ETS1: variants seen among roughly 807,000 people sequenced by gnomAD.
ETS1 encodes the protein ETS proto-oncogene 1, transcription factor.
Under a neutral mutation model 58.6 loss-of-function variants are expected in ETS1, and 15 were observed. That is an observed-to-expected ratio of 0.26 (90% CI 0.17 to 0.39). The LOEUF (loss-of-function observed/expected upper bound fraction) is 0.39. Ranked by LOEUF, ETS1 falls within the 10% of genes least tolerant of loss-of-function variation. The probability of loss-of-function intolerance (pLI) is 1.00; values close to 1 mark genes in which losing one functional copy is unlikely to be tolerated. For synonymous variants in ETS1, 214 were observed against 218.2 expected (o/e 0.98, Z 0.17); for missense variants, 417 against 610.5 (o/e 0.68, Z 3.34).
Position 128,585,091 on chromosome 11 carries a change from G to A in ETS1, c.-15+2397C>T, listed in dbSNP as rs866250524. On this transcript the variant is annotated intron_variant, in intron 1 of 9. Coordinates refer to ENST00000392668, the MANE Select transcript of ETS1 (RefSeq NM_001143820.2). Reference sequence around the variant, plus strand: ...AAGAAAGAAAGAGAAAGAAAGAAAGGAAAGAAAGAAAGGAAGGAAGGAAGG... The same window carrying A: ...AAGAAAGAAAGAGAAAGAAAGAAAGAAAAGAAAGAAAGGAAGGAAGGAAGG... Among the ~76,000 whole-genome samples, 22 of 18,680 alleles carry A rather than the reference G, an allele frequency of 1.2e-3. 4 individuals are homozygous for A. The highest frequency in any genetic ancestry group is 3.0e-3 in the Admixed American group (6 of 2,010). The allele number at this position is 18,680 out of a possible 152,430, so 12.3% of individuals were successfully genotyped here.
At chr11:128,469,333 T>C (rs141637705) in intron 8 of ETS1, among the ~76,000 whole-genome samples, 3 of 152,308 alleles carry the variant, frequency 2.0e-5, no homozygotes, top group Non-Finnish European at 4.4e-5. Flanking sequence ...CAGGTGGCCC[T>C]AAAACAGAGG....
intron 2 of ETS1, among the ~76,000 whole-genome samples, chr11:128,560,198 C>T (rs1206081363): frequency 1.3e-5 from 2 of 152,128 alleles, no homozygotes; most frequent in Non-Finnish European, 2.9e-5. Context: ...CTGCAACCTC[C>T]GCCTCCTGGC....
chr11:128,523,590 C>T (rs1863743598), intron 3 of ETS1, among the ~76,000 whole-genome samples: 1 of 152,242 alleles, frequency 6.6e-6, no homozygotes. Flanking sequence ...GGCTTACCTT[C>T]ATCTAATCCC....
At chr11:128,545,384 G>T (rs1469219377) in intron 3 of ETS1, among the ~76,000 whole-genome samples, 1 of 152,158 alleles carries the variant, frequency 6.6e-6, no homozygotes, top group Non-Finnish European at 1.5e-5. Flanking sequence ...TGTGTATGGT[G>T]GTTAAGAACA....
At chr11:128,566,235 G>A (rs997678036) in intron 2 of ETS1, among the ~76,000 whole-genome samples, 2 of 152,136 alleles carry the variant, frequency 1.3e-5, no homozygotes, top group Admixed American at 6.5e-5. Context: ...GCATGGACAA[G>A]CGGAAATCCT....
chr11:128,538,743 CACAT>C (rs1186997226), intron 3 of ETS1, among the ~76,000 whole-genome samples: 7 of 135,190 alleles, frequency 5.2e-5, no homozygotes, highest in African/African-American at 1.9e-4. Flanking sequence ...CACACACACA[CACAT>C]ACACACATAC....
intron 7 of ETS1, among the ~76,000 whole-genome samples, chr11:128,481,201 T>C (rs1249650223): frequency 6.6e-6 from 1 of 152,218 alleles, no homozygotes; most frequent in Non-Finnish European, 1.5e-5. Context: ...TTAAACTTCA[T>C]TGGAAAAGTG....
intron 2 of ETS1, among the ~76,000 whole-genome samples, chr11:128,568,521 C>A (rs1445467224): frequency 6.6e-6 from 1 of 152,212 alleles, no homozygotes; most frequent in Non-Finnish European, 1.5e-5. Context: ...TCATCCCTCC[C>A]ACACAATGAC....
intron 8 of ETS1, among the ~76,000 whole-genome samples, chr11:128,465,310 T>C (rs1040885538): frequency 1.3e-5 from 2 of 152,184 alleles, no homozygotes; most frequent in African/African-American, 4.8e-5. Context: ...GCCTATAAAA[T>C]AAAGTAACAT....
chr11:128,495,666 T>C (rs901248887), intron 3 of ETS1, among the ~76,000 whole-genome samples: 4 of 152,110 alleles, frequency 2.6e-5, no homozygotes, highest in Admixed American at 6.6e-5. Flanking sequence ...CTGGTCCACA[T>C]GGAGAGGATA....
chr11:128,480,440 C>A lies in ETS1; in HGVS notation c.874G>T (p.Gly292Cys). Residue 292 changes from glycine (G) to cysteine (C), a missense_variant, in exon 8 of 10, where the codon GGC becomes TGC. Transcript: ENST00000392668. Reference sequence around the variant, plus strand: ...TCTATGCTTTCAAAAGAGTCCTGGCCCCCGAGTTTACCTGGAGGTAAAGGA... The same window carrying A: ...TCTATGCTTTCAAAAGAGTCCTGGCACCCGAGTTTACCTGGAGGTAAAGGA... ...MGRTSRGKLG[G>C]QDSFESIESY... is the part of the protein sequence containing the mutation. The A allele has an allele frequency of 6.2e-7, 1 of 1,612,218 alleles. No individual in the cohort carries two copies. The highest frequency in any genetic ancestry group is 1.7e-4 in the Middle Eastern group (1 of 6,040).
At chr11:128,503,090 C>T (rs905425962) in intron 3 of ETS1, among the ~76,000 whole-genome samples, 1 of 152,194 alleles carries the variant, frequency 6.6e-6, no homozygotes, top group Non-Finnish European at 1.5e-5. Context: ...CCACTCATGC[C>T]TCAAGTTCCT....
intron 7 of ETS1, among the ~76,000 whole-genome samples, chr11:128,482,890 A>C (rs185748657): frequency 6.6e-6 from 1 of 152,162 alleles, no homozygotes; most frequent in African/African-American, 2.4e-5. Flanking sequence ...CCAGCCACCC[A>C]CTGAGTAGAC....
Position 128,549,656 on chromosome 11 carries a change from C to T in ETS1, c.214+6635G>A, listed in dbSNP as rs1864198748. Reference sequence around the variant, plus strand: ...TTCCACTGTCACTCCACGAACCCAGCCCAGAGGCTTCGGTTTGTCTGTCTT... The same window carrying T: ...TTCCACTGTCACTCCACGAACCCAGTCCAGAGGCTTCGGTTTGTCTGTCTT... On this transcript the variant is annotated intron_variant, in intron 3 of 9. Transcript: ENST00000392668. The surrounding 1 kb of genome is among the most constrained non-coding windows in gnomAD (Gnocchi z 4.3). 6.6e-6 allele frequency among the ~76,000 whole-genome samples: 1 copy of T among 152,164 alleles called. No homozygotes were observed. The highest frequency in any genetic ancestry group is 1.5e-5 in the Non-Finnish European group (1 of 68,026).
At chr11:128,583,077 G>A (rs548763848) in intron 1 of ETS1, among the ~76,000 whole-genome samples, 27 of 152,266 alleles carry the variant, frequency 1.8e-4, no homozygotes, top group African/African-American at 6.0e-4. Flanking sequence ...GTAGGTCTGA[G>A]GTCTGGCCAG....
chr11:128,556,115 C>T (rs544562292), intron 3 of ETS1, among the ~76,000 whole-genome samples, 176 bp downstream of exon 3: 1 of 152,292 alleles, frequency 6.6e-6, no homozygotes, highest in African/African-American at 2.4e-5. Context: ...GACTTCCTGT[C>T]GGGGAATAAA....
intron 3 of ETS1, among the ~76,000 whole-genome samples, chr11:128,533,483 A>G (rs1370053761): frequency 6.6e-6 from 1 of 152,192 alleles, no homozygotes; most frequent in African/African-American, 2.4e-5. Flanking sequence ...GGTCCTCTTT[A>G]CCTTTTGACC....
chr11:128,478,454 G>GAA (rs771510609), intron 8 of ETS1, among the ~76,000 whole-genome samples: 51,730 of 117,802 alleles, frequency 0.44, 11,499 homozygotes, highest in Non-Finnish European at 0.51. Context: ...AGAGAGGGAG[G>GAA]GAGGAAGGAA....
chr11:128,483,912 C>G (rs1591605085), intron 7 of ETS1, among the ~76,000 whole-genome samples: 1 of 152,188 alleles, frequency 6.6e-6, no homozygotes, highest in Non-Finnish European at 1.5e-5. Context: ...AATTCTTTCC[C>G]ATTTACCCAC....
Sources: gnomAD v4.1 joint callset for allele counts (sites outside exome capture counted in the v4.1 genomes callset) on GRCh38, gnomAD v4.1.1 for gene constraint, Gnocchi (gnomAD v3.1) non-coding constraint, MANE v1.5 for transcripts, NCBI Gene and HGNC (gene_info 2026-07-23, HGNC 2026-07-21) for gene names.